PDE4B: variants seen among roughly 807,000 people sequenced by gnomAD.
PDE4B encodes the protein 3',5'-cyclic-AMP phosphodiesterase 4B.
PDE4B carries 20 observed loss-of-function variants against 82.2 expected under a neutral mutation model. The ratio of observed to expected loss-of-function variants is 0.24; its 90% CI spans 0.17 to 0.35. The LOEUF (loss-of-function observed/expected upper bound fraction) is 0.35. Ranked by LOEUF, PDE4B falls within the 10% of genes least tolerant of loss-of-function variation. The probability of loss-of-function intolerance (pLI) is 1.00; values close to 1 mark genes in which losing one functional copy is unlikely to be tolerated. For missense variants in PDE4B, 655 were observed against 907.2 expected (o/e 0.72, Z 3.57); for synonymous variants, 320 against 318.9 (o/e 1.00, Z -0.04).
intron 3 of PDE4B, among the ~76,000 whole-genome samples, chr1:66,103,216 T>C (rs889259921): frequency 6.6e-6 from 1 of 152,122 alleles, no homozygotes. Flanking sequence ...TTGTTGAGCA[T>C]TGTGGGGTAA....
At chr1:65,903,353 T>G (rs901530101) in intron 1 of PDE4B, among the ~76,000 whole-genome samples, 1 of 152,136 alleles carries the variant, frequency 6.6e-6, no homozygotes, top group African/African-American at 2.4e-5. Flanking sequence ...ATTTCTCATC[T>G]TTAAAAATAA....
chr1:65,853,333 A>G (rs1646352492), intron 1 of PDE4B, among the ~76,000 whole-genome samples: 1 of 152,124 alleles, frequency 6.6e-6, no homozygotes, highest in Non-Finnish European at 1.5e-5. Context: ...GAAGTTTGTC[A>G]ATCTCTGCAT....
intron 3 of PDE4B, among the ~76,000 whole-genome samples, chr1:66,217,273 T>C (rs200764713): frequency 1.3e-5 from 2 of 152,092 alleles, no homozygotes; most frequent in East Asian, 3.9e-4. Context: ...CTGGCTGGGA[T>C]TGTAAATGAC....
intron 6 of PDE4B, among the ~76,000 whole-genome samples, chr1:66,262,570 C>T (rs1654762747): frequency 6.6e-6 from 1 of 152,196 alleles, no homozygotes; most frequent in South Asian, 2.1e-4. Context: ...ATGATTCTTC[C>T]ATAAGTTACG....
At chr1:65,939,557 C>A (rs559488848) in intron 3 of PDE4B, among the ~76,000 whole-genome samples, 12 of 152,110 alleles carry the variant, frequency 7.9e-5, no homozygotes, top group African/African-American at 2.7e-4. Context: ...AGAAGCTGAG[C>A]CTACCTCATA....
At chr1:65,974,834 C>T (rs994887890) in intron 3 of PDE4B, among the ~76,000 whole-genome samples, 5 of 152,214 alleles carry the variant, frequency 3.3e-5, no homozygotes, top group Admixed American at 2.6e-4. Flanking sequence ...AGCCATGCTT[C>T]CTGTACATCC....
chr1:66,130,533 T>C (rs1265423057), intron 3 of PDE4B, among the ~76,000 whole-genome samples: 1 of 152,164 alleles, frequency 6.6e-6, no homozygotes, highest in African/African-American at 2.4e-5. Context: ...ACACTCACTC[T>C]CCCAGCTGTC....
intron 3 of PDE4B, among the ~76,000 whole-genome samples, chr1:66,142,784 T>C (rs115443500): frequency 0.011 from 1,682 of 152,338 alleles, 29 homozygotes; most frequent in African/African-American, 0.038. Context: ...TTTTGTTATC[T>C]GTCCACATTT....
At chr1:65,841,019 A>C (rs1646200599) in intron 1 of PDE4B, among the ~76,000 whole-genome samples, 1 of 152,182 alleles carries the variant, frequency 6.6e-6, no homozygotes, top group East Asian at 1.9e-4. Flanking sequence ...CTTAGAGGCC[A>C]GGCACGGTTG....
rs74619746 is a variant in PDE4B, at chr1:66,098,017, A to C, written c.282-149443A>C. Reference sequence around the variant, plus strand: ...TTAGTCTAGGGTTACTACTATGGTGATAACTATATAATGATTCTTGCGGAT... The same window carrying C: ...TTAGTCTAGGGTTACTACTATGGTGCTAACTATATAATGATTCTTGCGGAT... On this transcript the variant is annotated intron_variant, in intron 3 of 16. Transcript: ENST00000341517. 3.3e-3 allele frequency among the ~76,000 whole-genome samples: 503 copies of C among 152,200 alleles called. 3 individuals carry two copies. Among genetic ancestry groups the C allele is most frequent in the African/African-American group, 0.012 (489 of 41,548 alleles).
chr1:65,924,548 C>G (rs751122963), intron 3 of PDE4B, among the ~76,000 whole-genome samples: 5 of 151,976 alleles, frequency 3.3e-5, no homozygotes, highest in Non-Finnish European at 7.4e-5. Flanking sequence ...CAAATAATCC[C>G]AACATTTACT....
intron 1 of PDE4B, among the ~76,000 whole-genome samples, chr1:65,820,318 A>G (rs1485342041): frequency 6.6e-6 from 1 of 152,248 alleles, no homozygotes; most frequent in Non-Finnish European, 1.5e-5. Flanking sequence ...TGAATGACAA[A>G]TCAATCTGAA....
At chr1:66,153,131 T>C (rs1171523748) in intron 3 of PDE4B, among the ~76,000 whole-genome samples, 1 of 152,162 alleles carries the variant, frequency 6.6e-6, no homozygotes, top group Non-Finnish European at 1.5e-5. Flanking sequence ...GTATTTTCCA[T>C]GACTTCTCAT....
At chr1:65,800,969 T>G (rs908172592) in intron 1 of PDE4B, among the ~76,000 whole-genome samples, 4 of 152,244 alleles carry the variant, frequency 2.6e-5, no homozygotes, top group African/African-American at 9.6e-5. Flanking sequence ...CCTTTCTCTC[T>G]CATCTTCCTC....
intron 3 of PDE4B, among the ~76,000 whole-genome samples, chr1:66,096,579 T>A (rs1440329087): frequency 1.4e-5 from 2 of 144,114 alleles, no homozygotes; most frequent in Non-Finnish European, 3.0e-5. Context: ...TTTAAATATC[T>A]CATTAATAAT....
chr1:65,945,441 A>T (rs1268449521), intron 3 of PDE4B, among the ~76,000 whole-genome samples: 1 of 151,952 alleles, frequency 6.6e-6, no homozygotes, highest in Non-Finnish European at 1.5e-5. Flanking sequence ...AGGAAAGGCA[A>T]ACCCAGACCA....
intron 8 of PDE4B, among the ~76,000 whole-genome samples, chr1:66,344,906 C>T (rs1396126875): frequency 6.6e-6 from 1 of 152,208 alleles, no homozygotes; most frequent in Non-Finnish European, 1.5e-5. Flanking sequence ...TTTATGTGCT[C>T]TCAAAGCTTC....
intron 3 of PDE4B, among the ~76,000 whole-genome samples, chr1:65,978,203 T>C (rs997922038): frequency 2.7e-5 from 4 of 150,190 alleles, no homozygotes; most frequent in Admixed American, 2.7e-4. Flanking sequence ...AATTTTTGTA[T>C]TTTTAGTAGA....
At position 66,368,989 on chromosome 1, in the gene PDE4B, C is replaced by G; in HGVS notation, c.1845+20C>G. Reference sequence around the variant, plus strand: ...TCCCAGGTATCTAATATGAGATTTTCAAAGTTTTTGTGAGCTCTGCTGATT... The same window carrying G: ...TCCCAGGTATCTAATATGAGATTTTGAAAGTTTTTGTGAGCTCTGCTGATT... On this transcript the variant is annotated intron_variant, in intron 16 of 16. Coordinates refer to ENST00000341517, the MANE Select transcript of PDE4B (RefSeq NM_002600.4). 1 of 1,581,690 alleles carries G rather than the reference C, an allele frequency of 6.3e-7. No individual in the cohort carries two copies. Among genetic ancestry groups the G allele is most frequent in the Non-Finnish European group, 8.6e-7 (1 of 1,161,148 alleles).
Sources: gnomAD v4.1 joint callset for allele counts (sites outside exome capture counted in the v4.1 genomes callset) on GRCh38, gnomAD v4.1.1 for gene constraint, MANE v1.5 for transcripts, NCBI Gene and HGNC (gene_info 2026-07-23, HGNC 2026-07-21) for gene names.